DENND1A: variants seen among roughly 807,000 people sequenced by gnomAD.
DENND1A encodes the protein DENN domain-containing protein 1A.
A neutral mutation model predicts 113.7 loss-of-function variants in DENND1A; 51 were observed. The observed-to-expected ratio is 0.45, with a 90% CI of 0.36 to 0.57. The LOEUF (loss-of-function observed/expected upper bound fraction) is 0.57, where lower values mean the gene tolerates loss of function less well. Among genes scored for constraint, DENND1A ranks in the 20% least tolerant of loss-of-function variants. The pLI is 0.00. For synonymous variants in DENND1A, 565 were observed against 570.8 expected (o/e 0.99, Z 0.14); for missense variants, 1,258 against 1,395.9 (o/e 0.90, Z 1.57).
intron 11 of DENND1A, among the ~76,000 whole-genome samples, chr9:123,605,007 C>T (rs183776248): frequency 6.6e-6 from 1 of 152,260 alleles, no homozygotes; most frequent in African/African-American, 2.4e-5. Flanking sequence ...GAGACACAGC[C>T]ATTATCCTCA....
chr9:123,476,867 G>A (rs186763951), intron 13 of DENND1A, among the ~76,000 whole-genome samples: 160 of 152,300 alleles, frequency 1.1e-3, no homozygotes, highest in African/African-American at 3.6e-3. Flanking sequence ...GATTTAAACC[G>A]AGGTGGTCAT....
chr9:123,758,903 C>A (rs2070799547), intron 4 of DENND1A, among the ~76,000 whole-genome samples: 1 of 152,106 alleles, frequency 6.6e-6, no homozygotes, highest in Non-Finnish European at 1.5e-5. Context: ...CTGGTTCACA[C>A]AATTCTCCTG....
intron 2 of DENND1A, among the ~76,000 whole-genome samples, chr9:123,814,578 C>T (rs1045040483): frequency 6.6e-6 from 1 of 152,054 alleles, no homozygotes; most frequent in African/African-American, 2.4e-5. Flanking sequence ...CAAAGCCATA[C>T]AATAATAATA....
chr9:123,536,164 A>G (rs750661131), intron 13 of DENND1A, among the ~76,000 whole-genome samples: 2 of 152,232 alleles, frequency 1.3e-5, no homozygotes, highest in Non-Finnish European at 2.9e-5. Context: ...TTGCACTGAC[A>G]GACCTCAGCA....
At chr9:123,745,430 G>A (rs1157858531) in intron 5 of DENND1A, among the ~76,000 whole-genome samples, 3 of 152,234 alleles carry the variant, frequency 2.0e-5, no homozygotes, top group Non-Finnish European at 2.9e-5. Context: ...TAAAAAGCAA[G>A]GAGCTAGTGG....
Position 123,757,764 on chromosome 9 carries a change from T to G in DENND1A, c.241A>C (p.Lys81Gln). 1 of 1,614,128 alleles carries G rather than the reference T, an allele frequency of 6.2e-7. No homozygotes were observed. Among genetic ancestry groups the G allele is most frequent in the Non-Finnish European group, 8.5e-7 (1 of 1,180,008 alleles). Residue 81 changes from lysine to glutamine, a missense_variant, in exon 5 of 24, where the codon AAA becomes CAA. Physicochemically the swap from Lys to Gln is moderately conservative, Grantham distance 53. This residue lies in a region of DENND1A where 99 missense variants were observed against 164.2 expected (regional missense o/e 0.60). Transcript: ENST00000394215. ...FTFVLTDIDSKQRFGFCRLSS... is the reference protein window; with the variant it reads ...FTFVLTDIDSQQRFGFCRLSS... ...AAGCGGCAGAACCCGAATCTCTGTT[T>G]GCTGTCAATGTCAGTGAGCACGAAT...
chr9:123,632,430 C>T (rs958236512), intron 9 of DENND1A, among the ~76,000 whole-genome samples: 2 of 152,176 alleles, frequency 1.3e-5, no homozygotes, highest in Non-Finnish European at 2.9e-5. Flanking sequence ...CCCTTCAGGG[C>T]TTCTTAGAGA....
At chr9:123,408,709 G>A (rs1353248851) in intron 20 of DENND1A, among the ~76,000 whole-genome samples, 2 of 152,164 alleles carry the variant, frequency 1.3e-5, no homozygotes, top group East Asian at 1.9e-4. Flanking sequence ...TTAGCTCAGC[G>A]CCTGAGGCAG....
intron 2 of DENND1A, among the ~76,000 whole-genome samples, chr9:123,850,466 T>G (rs1476726335): frequency 6.6e-6 from 1 of 152,280 alleles, no homozygotes; most frequent in Non-Finnish European, 1.5e-5. Flanking sequence ...AACATAACTT[T>G]ACATGCATTG....
chr9:123,908,357 T>A (rs1271693283), intron 1 of DENND1A, among the ~76,000 whole-genome samples: 1 of 122,484 alleles, frequency 8.2e-6, no homozygotes, highest in African/African-American at 3.2e-5. Flanking sequence ...GGGATCTAAT[T>A]AAACTAAAGA....
chr9:123,597,061 GT>G (rs2059726504), intron 11 of DENND1A, among the ~76,000 whole-genome samples: 3 of 152,156 alleles, frequency 2.0e-5, no homozygotes, highest in Admixed American at 2.0e-4. Context: ...TCCCCAAATG[GT>G]TTGGGGTCAC....
At chr9:123,459,755 T>G (rs1432578443) in intron 13 of DENND1A, among the ~76,000 whole-genome samples, 1 of 152,056 alleles carries the variant, frequency 6.6e-6, no homozygotes, top group African/African-American at 2.4e-5. Flanking sequence ...ACTTTTATAC[T>G]ATTTTAATGA....
intron 5 of DENND1A, among the ~76,000 whole-genome samples, chr9:123,713,998 A>C (rs755144176): frequency 2.4e-4 from 37 of 152,214 alleles, no homozygotes; most frequent in Non-Finnish European, 4.9e-4. Flanking sequence ...GCCATCTAAA[A>C]ATTGGAATTT....
chr9:123,389,010 C>G (rs1292630112), intron 21 of DENND1A, among the ~76,000 whole-genome samples: 4 of 152,224 alleles, frequency 2.6e-5, no homozygotes, highest in Non-Finnish European at 5.9e-5. Flanking sequence ...CACCCCCCAG[C>G]CCCCAGCTAA....
intron 2 of DENND1A, among the ~76,000 whole-genome samples, chr9:123,853,113 T>C (rs1189626480): frequency 6.6e-6 from 1 of 151,486 alleles, no homozygotes; most frequent in African/African-American, 2.4e-5. Flanking sequence ...AGACACGAGG[T>C]TTCACCATGT....
At chr9:123,771,189 A>C (rs1829668942) in intron 3 of DENND1A, among the ~76,000 whole-genome samples, 1 of 152,218 alleles carries the variant, frequency 6.6e-6, no homozygotes, top group South Asian at 2.1e-4. Flanking sequence ...TTTATAAACT[A>C]ATCATGCTTA....
intron 9 of DENND1A, among the ~76,000 whole-genome samples, chr9:123,637,931 ACG>A (rs1395713073): frequency 2.7e-3 from 251 of 92,192 alleles, no homozygotes; most frequent in Non-Finnish European, 4.0e-3. Context: ...ACACACACAC[ACG>A]CACACACACA....
chr9:123,560,452 C>T (rs2057681238), intron 12 of DENND1A, among the ~76,000 whole-genome samples: 1 of 152,080 alleles, frequency 6.6e-6, no homozygotes, highest in African/African-American at 2.4e-5. Flanking sequence ...TTTGGGAAGC[C>T]AAGGCAGGAG....
intron 5 of DENND1A, among the ~76,000 whole-genome samples, chr9:123,697,491 G>C (rs939611961): frequency 7.9e-5 from 12 of 152,018 alleles, no homozygotes; most frequent in African/African-American, 2.7e-4. Flanking sequence ...CCCATCACTC[G>C]AGCAGTATAC....
Sources: gnomAD v4.1 joint callset for allele counts (sites outside exome capture counted in the v4.1 genomes callset) on GRCh38, gnomAD v4.1.1 for gene constraint, gnomAD v4.1.1 regional missense constraint, MANE v1.5 for transcripts, NCBI Gene and HGNC (gene_info 2026-07-23, HGNC 2026-07-21) for gene names.